EYS: variants seen among roughly 807,000 people sequenced by gnomAD.
EYS encodes protein eyes shut homolog.
Under a neutral mutation model 282.1 loss-of-function variants are expected in EYS, and 250 were observed. The ratio of observed to expected loss-of-function variants is 0.89; its 90% CI spans 0.80 to 0.98. EYS has a LOEUF of 0.98. Ranked by LOEUF, EYS falls within the 50% of genes least tolerant of loss-of-function variation. The pLI is 0.00. For missense variants in EYS, 4,016 were observed against 3,709.0 expected, an observed-to-expected ratio of 1.08 and a Z score of -2.15; for synonymous variants, 1,355 against 1,282.9, an observed-to-expected ratio of 1.06 and a Z score of -1.20.
intron 12 of EYS, among the ~76,000 whole-genome samples, chr6:65,235,531 G>A (rs1351464676): frequency 1.3e-5 from 2 of 152,130 alleles, no homozygotes; most frequent in African/African-American, 4.8e-5. Flanking sequence ...ATGCCAAGAG[G>A]TACAAGCTGA....
intron 30 of EYS, among the ~76,000 whole-genome samples, chr6:64,250,847 T>C (rs940299629): frequency 2.0e-5 from 3 of 152,190 alleles, no homozygotes; most frequent in African/African-American, 7.2e-5. Context: ...CTTCCATTAT[T>C]TTTAGACGTG....
intron 31 of EYS, among the ~76,000 whole-genome samples, chr6:64,128,870 G>A (rs1305038553): frequency 1.3e-5 from 2 of 152,148 alleles, no homozygotes; most frequent in Non-Finnish European, 2.9e-5. Flanking sequence ...ATTATACACT[G>A]TGATAAGTGC....
At chr6:63,872,769 T>TACCTG (rs1554183580) in intron 35 of EYS, among the ~76,000 whole-genome samples, 14 of 151,948 alleles carry the variant, frequency 9.2e-5, no homozygotes, top group African/African-American at 3.1e-4. Flanking sequence ...TGAGCCACCA[T>TACCTG]GCCTGGCCCA....
intron 22 of EYS, among the ~76,000 whole-genome samples, chr6:64,658,608 C>T (rs1768854875): frequency 6.6e-6 from 1 of 152,172 alleles, no homozygotes; most frequent in African/African-American, 2.4e-5. Context: ...TTGGAGTTTG[C>T]TGGAGATCCA....
intron 26 of EYS, among the ~76,000 whole-genome samples, chr6:64,475,306 C>CAG: frequency 4.2e-5 from 3 of 71,296 alleles, no homozygotes; most frequent in East Asian, 8.1e-4. Flanking sequence ...AATCCCAGCA[C>CAG]TTTGGGAGGC....
At chr6:64,628,110 A>T (rs543445555) in intron 22 of EYS, among the ~76,000 whole-genome samples, 1 of 152,196 alleles carries the variant, frequency 6.6e-6, no homozygotes, top group South Asian at 2.1e-4. Context: ...AAACAAACAA[A>T]CAAAGACTTG....
chr6:63,743,784 A>G (rs1769142861), intron 41 of EYS, among the ~76,000 whole-genome samples: 1 of 152,198 alleles, frequency 6.6e-6, no homozygotes, highest in African/African-American at 2.4e-5. Flanking sequence ...GTATTCTTCA[A>G]AGCAAGCACA....
chr6:64,548,830 A>C (rs1377975007), intron 26 of EYS, among the ~76,000 whole-genome samples: 1 of 122,556 alleles, frequency 8.2e-6, no homozygotes, highest in Non-Finnish European at 2.0e-5. Context: ...AAGTATAATA[A>C]AAAAAAAAGA....
At chr6:64,247,069 A>C (rs1490225132) in intron 30 of EYS, among the ~76,000 whole-genome samples, 2 of 152,138 alleles carry the variant, frequency 1.3e-5, no homozygotes, top group Non-Finnish European at 2.9e-5. Flanking sequence ...GGAAACATTT[A>C]TTATATTAAT....
At chr6:64,234,546 C>T (rs1443596587) in intron 30 of EYS, among the ~76,000 whole-genome samples, 3 of 152,046 alleles carry the variant, frequency 2.0e-5, no homozygotes, top group African/African-American at 7.2e-5. Context: ...TCAATAGTTA[C>T]ATTGAGATAT....
At chr6:64,130,146 T>A (rs1773922769) in intron 31 of EYS, among the ~76,000 whole-genome samples, 1 of 152,168 alleles carries the variant, frequency 6.6e-6, no homozygotes, top group Non-Finnish European at 1.5e-5. Context: ...ACCCAAAGGA[T>A]TATAAATCAT....
At chr6:64,327,411 A>G (rs1462306465) in intron 29 of EYS, among the ~76,000 whole-genome samples, 1 of 152,134 alleles carries the variant, frequency 6.6e-6, no homozygotes, top group African/African-American at 2.4e-5. Context: ...GGTTTTAATG[A>G]TATTGGGTTA....
chr6:64,223,416 G>A (rs940371176), intron 31 of EYS, among the ~76,000 whole-genome samples: 4 of 151,880 alleles, frequency 2.6e-5, no homozygotes, highest in Non-Finnish European at 1.5e-5. Flanking sequence ...TACAATTGAG[G>A]TCATTAGTAT....
Position 64,230,727 on chromosome 6 carries a change from C to G in EYS, c.6289G>C (p.Val2097Leu). ...DTMWTSVSPS[V>L]AAPSVCQQDV... is the part of the protein sequence containing the mutation. ...TGCTGGCACACAGAGGGTGCTGCAA[C>G]AGAGGGGCTGACAGAAGTCCACATG... is the stretch of plus-strand genomic sequence containing the variant. The change falls in exon 31 of 43, where the codon GTT becomes CTT. Residue 2097 changes from valine (V) to leucine (L), a missense_variant. By Grantham distance (32) the Val-to-Leu change is conservative. Transcript: ENST00000503581. 6.4e-7 allele frequency: 1 copy of G among 1,551,584 alleles called. No individual in the cohort carries two copies.
intron 2 of EYS, among the ~76,000 whole-genome samples, chr6:65,570,387 GT>G (rs1366971725): frequency 6.6e-6 from 1 of 152,126 alleles, no homozygotes; most frequent in Non-Finnish European, 1.5e-5. Flanking sequence ...TTACTAGGAC[GT>G]TTTTTGGGAA....
At chr6:65,510,921 C>A (rs1766845098) in intron 2 of EYS, among the ~76,000 whole-genome samples, 1 of 152,120 alleles carries the variant, frequency 6.6e-6, no homozygotes, top group Admixed American at 6.5e-5. Flanking sequence ...TCTCTGTCTG[C>A]CTCTTGGTCT....
intron 35 of EYS, among the ~76,000 whole-genome samples, chr6:63,931,199 G>A (rs1443640750): frequency 6.6e-6 from 1 of 152,118 alleles, no homozygotes; most frequent in Admixed American, 6.6e-5. Flanking sequence ...TATCCCAGGT[G>A]GCTTAATGAG....
intron 1 of EYS, among the ~76,000 whole-genome samples, chr6:65,699,946 C>T (rs1769601560): frequency 6.6e-6 from 1 of 151,418 alleles, no homozygotes; most frequent in Admixed American, 6.6e-5. Flanking sequence ...AACCCTGTCT[C>T]TACTAAAAAT....
chr6:65,048,136 A>G (rs1773156210), intron 13 of EYS, among the ~76,000 whole-genome samples: 1 of 151,906 alleles, frequency 6.6e-6, no homozygotes, highest in Non-Finnish European at 1.5e-5. Flanking sequence ...AAGCCCCATA[A>G]CATTTTGATA....
Sources: gnomAD v4.1 joint callset for allele counts (sites outside exome capture counted in the v4.1 genomes callset) on GRCh38, gnomAD v4.1.1 for gene constraint, MANE v1.5 for transcripts, NCBI Gene and HGNC (gene_info 2026-07-23, HGNC 2026-07-21) for gene names.